Variants in KCNMA1 observed in about 807,000 individuals in gnomAD.
KCNMA1 encodes the protein potassium calcium-activated channel subfamily M alpha 1, also known as Calcium-activated potassium channel subunit alpha-1.
In KCNMA1, 29 loss-of-function variants were observed where a neutral mutation model predicts 140.0. That is an observed-to-expected ratio of 0.21 (90% CI 0.15 to 0.28). The LOEUF (loss-of-function observed/expected upper bound fraction) is 0.28, where lower values mean the gene tolerates loss of function less well. Among genes scored for constraint, KCNMA1 ranks in the 10% least tolerant of loss-of-function variants. The pLI is 1.00. For missense variants in KCNMA1, 880 were observed against 1,602.2 expected (o/e 0.55, Z 7.70); for synonymous variants, 612 against 611.9 (o/e 1.00, Z 0.00).
chr10:77,072,507 C>A (rs531673253), intron 14 of KCNMA1, among the ~76,000 whole-genome samples: 2 of 152,000 alleles, frequency 1.3e-5, no homozygotes, highest in Admixed American at 1.3e-4. Context: ...CCAGCTCTGA[C>A]AAGGACATGA....
At chr10:77,485,261 A>G (rs2098447533) in intron 1 of KCNMA1, among the ~76,000 whole-genome samples, 1 of 152,244 alleles carries the variant, frequency 6.6e-6, no homozygotes, top group Non-Finnish European at 1.5e-5. Context: ...CACAGATGTA[A>G]TCATTTTAAA....
chr10:77,150,183 T>C lies in KCNMA1; in HGVS notation c.809-29135A>G, dbSNP rs559387913. Reference sequence around the variant, plus strand: ...AACACCATACTCGCATTGTTGCTTATGCTGTTGTTCTTCACCCACTGCCTG... The same window carrying C: ...AACACCATACTCGCATTGTTGCTTACGCTGTTGTTCTTCACCCACTGCCTG... On this transcript the variant is annotated intron_variant, in intron 5 of 27. Coordinates refer to ENST00000286628, the MANE Select transcript of KCNMA1 (RefSeq NM_001161352.2). The C allele has an allele frequency of 3.9e-5, 6 of 152,354 alleles. No homozygotes were observed. The East Asian group carries it at 9.7e-4, about 25-fold the overall frequency. The allele number at this position is 152,354 out of a possible 1,614,324, so 9.4% of individuals were successfully genotyped here.
chr10:76,964,568 G>A (rs978924028), intron 20 of KCNMA1, among the ~76,000 whole-genome samples: 4 of 152,112 alleles, frequency 2.6e-5, no homozygotes, highest in Non-Finnish European at 5.9e-5. Context: ...ATCAGTTTGT[G>A]CATTAAGAGA....
downstream of KCNMA1, chr10:76,883,895 T>C: frequency 2.0e-6 from 1 of 491,984 alleles, no homozygotes; most frequent in South Asian, 8.7e-5. Flanking sequence ...GAAAGTATAA[T>C]ATAGTAATTT....
chr10:77,022,017 C>T (rs933196014), intron 16 of KCNMA1, among the ~76,000 whole-genome samples: 1 of 152,152 alleles, frequency 6.6e-6, no homozygotes, highest in Non-Finnish European at 1.5e-5. Context: ...CCGTCTTCTT[C>T]AAAATATAAA....
intron 3 of KCNMA1, among the ~76,000 whole-genome samples, chr10:77,199,995 G>A (rs1255692203): frequency 3.3e-5 from 5 of 152,118 alleles, no homozygotes; most frequent in African/African-American, 9.7e-5. Flanking sequence ...CTGTCACCCA[G>A]GCTGGAGTGC....
chr10:77,456,365 T>A (rs2097762690), intron 1 of KCNMA1, among the ~76,000 whole-genome samples: 1 of 152,046 alleles, frequency 6.6e-6, no homozygotes, highest in Non-Finnish European at 1.5e-5. Context: ...ACCTTTCCCA[T>A]CAAAAGTAGC....
chr10:77,327,928 T>A (rs1311408940), intron 2 of KCNMA1, among the ~76,000 whole-genome samples: 4 of 152,146 alleles, frequency 2.6e-5, no homozygotes, highest in Non-Finnish European at 4.4e-5. Context: ...GAAATAGGCT[T>A]TGAGTATAAT....
At chr10:77,095,928 T>C (rs1489866241) in intron 9 of KCNMA1, among the ~76,000 whole-genome samples, 1 of 152,170 alleles carries the variant, frequency 6.6e-6, no homozygotes, top group Non-Finnish European at 1.5e-5. Flanking sequence ...TTTAGGTCTA[T>C]GACAAGGAAA....
chr10:76,911,439 C>G (rs2050198525), intron 24 of KCNMA1: 1 of 152,210 alleles, frequency 6.6e-6, no homozygotes, highest in Non-Finnish European at 1.5e-5. Flanking sequence ...GCTCTGACAA[C>G]TGGGCTTCAG....
At position 76,970,056 on chromosome 10, in the gene KCNMA1, G is replaced by T; in HGVS notation, c.2278C>A (p.Gln760Lys). The T allele has an allele frequency of 6.2e-7, 1 of 1,613,756 alleles. No homozygotes were observed. The highest frequency in any genetic ancestry group is 8.5e-7 in the Non-Finnish European group (1 of 1,179,758). The change falls in exon 20 of 28, where the codon CAG becomes AAG. Residue 760 changes from glutamine (Q) to lysine (K), a missense_variant. Physicochemically the swap from Gln to Lys is moderately conservative, Grantham distance 53 (BLOSUM62 1). Coordinates refer to ENST00000286628, the MANE Select transcript of KCNMA1 (RefSeq NM_001161352.2). ...STSFRAFEDE[Q>K]PSTLSPKKKQ... Reference sequence around the variant, plus strand: ...TTTTTTGGTGATAGTGTTGACGGCTGCTCATCTTCAACTGGAAATACAGGC... The same window carrying T: ...TTTTTTGGTGATAGTGTTGACGGCTTCTCATCTTCAACTGGAAATACAGGC...
At chr10:77,382,587 G>C (rs1312993638) in intron 2 of KCNMA1, among the ~76,000 whole-genome samples, 3 of 151,984 alleles carry the variant, frequency 2.0e-5, no homozygotes, top group Non-Finnish European at 4.4e-5. Context: ...AAGTGGGGCC[G>C]GGCATGGTGG....
chr10:77,624,070 C>G (rs538490175), intron 1 of KCNMA1, among the ~76,000 whole-genome samples: 251 of 152,256 alleles, frequency 1.6e-3, no homozygotes, highest in African/African-American at 5.8e-3. Context: ...TGCTCTTTTG[C>G]CACAGAAGCT....
intron 3 of KCNMA1, among the ~76,000 whole-genome samples, chr10:77,219,271 G>C (rs964255119): frequency 3.3e-5 from 5 of 152,114 alleles, no homozygotes. Context: ...CAATCGTGAC[G>C]ACATGCTTCT....
intron 5 of KCNMA1, among the ~76,000 whole-genome samples, chr10:77,170,123 G>A (rs556976486): frequency 7.9e-5 from 12 of 152,214 alleles, no homozygotes; most frequent in Admixed American, 4.6e-4. Flanking sequence ...CCCAGGAGGC[G>A]GAGGTTGCAG....
At chr10:77,019,397 G>T in intron 16 of KCNMA1, 1 of 340,112 alleles carries the variant, frequency 2.9e-6, no homozygotes, top group African/African-American at 2.1e-5. Context: ...GCCATCATGG[G>T]CACATGATTT....
chr10:76,984,324 C>T (rs1479914511), intron 19 of KCNMA1, among the ~76,000 whole-genome samples: 1 of 152,044 alleles, frequency 6.6e-6, no homozygotes, highest in Admixed American at 6.6e-5. Flanking sequence ...GTCTCAGCCT[C>T]CAAAGTAGCT....
At chr10:77,333,543 T>C (rs1413835186) in intron 2 of KCNMA1, among the ~76,000 whole-genome samples, 2 of 152,170 alleles carry the variant, frequency 1.3e-5, no homozygotes, top group Non-Finnish European at 2.9e-5. Context: ...AATTCAAAAA[T>C]AACATTTGTG....
intron 1 of KCNMA1, among the ~76,000 whole-genome samples, chr10:77,550,491 C>T (rs2062538967): frequency 6.6e-6 from 1 of 152,036 alleles, no homozygotes; most frequent in Non-Finnish European, 1.5e-5. Flanking sequence ...GATTAACTTA[C>T]TGTTGTGCCA....
Sources: gnomAD v4.1 joint callset for allele counts (sites outside exome capture counted in the v4.1 genomes callset) on GRCh38, gnomAD v4.1.1 for gene constraint, MANE v1.5 for transcripts, NCBI Gene and HGNC (gene_info 2026-07-23, HGNC 2026-07-21) for gene names.